XRCC4: variants seen among roughly 807,000 people sequenced by gnomAD.
The protein encoded by XRCC4 is DNA repair protein XRCC4.
XRCC4 carries 28 observed loss-of-function variants against 39.1 expected under a neutral mutation model. The observed-to-expected ratio is 0.72, with a 90% confidence interval of 0.53 to 0.98. The LOEUF (loss-of-function observed/expected upper bound fraction) is 0.98, where lower values mean the gene tolerates loss of function less well. Ranked by LOEUF, XRCC4 falls within the 50% of genes least tolerant of loss-of-function variation. XRCC4 has a pLI of 0.00. For missense variants in XRCC4, 350 were observed against 376.4 expected (o/e 0.93, Z 0.58); for synonymous variants, 123 against 126.4 (o/e 0.97, Z 0.18).
intron 7 of XRCC4, among the ~76,000 whole-genome samples, chr5:83,341,653 A>AC (rs1365796640): frequency 1.8e-4 from 27 of 151,768 alleles, no homozygotes; most frequent in African/African-American, 4.8e-4. Flanking sequence ...GTTAGTGATG[A>AC]CCCCCCCACT....
the XRCC4 span, among the ~76,000 whole-genome samples, chr5:83,360,494 G>A: frequency 6.6e-6 from 1 of 152,134 alleles, no homozygotes; most frequent in Non-Finnish European, 1.5e-5. Context: ...TGATTCTCAT[G>A]AATATTTGCT....
At chr5:83,104,758 G>T in intron 1 of XRCC4, 152 bp from the exon 2 acceptor site, 2 of 566,714 alleles carry the variant, frequency 3.5e-6, no homozygotes, top group South Asian at 2.6e-5. Flanking sequence ...GAATTTAATG[G>T]TTGAATCTAA....
At chr5:83,125,181 A>G (rs12153441) in intron 3 of XRCC4, among the ~76,000 whole-genome samples, 74,488 of 151,738 alleles carry the variant, frequency 0.49, 19,191 homozygotes, top group African/African-American at 0.63. Context: ...TTGTATTTTT[A>G]TTTTTGTTGT....
chr5:83,327,549 G>A (rs1453309057), intron 7 of XRCC4, among the ~76,000 whole-genome samples: 2 of 151,856 alleles, frequency 1.3e-5, no homozygotes, highest in East Asian at 3.9e-4. Flanking sequence ...ATGTTAATTA[G>A]CTTGATTGTT....
chr5:83,344,693 G>A (rs1269848687), intron 7 of XRCC4, among the ~76,000 whole-genome samples: 1 of 152,034 alleles, frequency 6.6e-6, no homozygotes, highest in Non-Finnish European at 1.5e-5. Flanking sequence ...GCTTTTCACT[G>A]TTGCAAACAA....
intron 7 of XRCC4, among the ~76,000 whole-genome samples, chr5:83,313,151 A>G (rs1039228888): frequency 6.6e-6 from 1 of 151,482 alleles, no homozygotes; most frequent in Non-Finnish European, 1.5e-5. Flanking sequence ...GTATAGAAAA[A>G]CCATAAATTG....
At chr5:83,342,646 T>C (rs1756797537) in intron 7 of XRCC4, among the ~76,000 whole-genome samples, 1 of 152,214 alleles carries the variant, frequency 6.6e-6, no homozygotes, top group African/African-American at 2.4e-5. Flanking sequence ...CGAAATGACG[T>C]GTAGGCCTAG....
chr5:83,203,810 A>AT, intron 5 of XRCC4, 103 bp downstream of exon 5: 1 of 1,385,172 alleles, frequency 7.2e-7, no homozygotes, highest in Non-Finnish European at 9.9e-7. Flanking sequence ...ATCATATGAG[A>AT]TAATTTGGTA....
chr5:83,214,157 G>T (rs1751757350), intron 6 of XRCC4, among the ~76,000 whole-genome samples: 1 of 152,156 alleles, frequency 6.6e-6, no homozygotes. Context: ...AAACAAGGTT[G>T]TCTGCTCCCA....
At chr5:83,099,055 A>G (rs968429733) in intron 1 of XRCC4, among the ~76,000 whole-genome samples, 6 of 152,208 alleles carry the variant, frequency 3.9e-5, no homozygotes, top group African/African-American at 1.4e-4. Context: ...TTCTCTTTTA[A>G]GAATAAAAAT....
the XRCC4 span, among the ~76,000 whole-genome samples, chr5:83,366,292 T>C: frequency 1.3e-5 from 2 of 152,182 alleles, no homozygotes; most frequent in African/African-American, 2.4e-5. Flanking sequence ...ATTCAGTTCA[T>C]TGTAGATCCC....
intron 3 of XRCC4, among the ~76,000 whole-genome samples, chr5:83,181,326 G>A (rs148768754): frequency 5.5e-4 from 83 of 151,898 alleles, no homozygotes; most frequent in African/African-American, 1.8e-3. Context: ...GGTATATAGT[G>A]AACATTTCCT....
At chr5:83,115,253 C>T (rs369393606) in intron 3 of XRCC4, among the ~76,000 whole-genome samples, 1 of 152,110 alleles carries the variant, frequency 6.6e-6, no homozygotes, top group African/African-American at 2.4e-5. Flanking sequence ...CATGGAGAAA[C>T]CCCGTCTCTA....
intron 7 of XRCC4, among the ~76,000 whole-genome samples, chr5:83,307,854 A>G (rs887214282): frequency 6.6e-6 from 1 of 152,240 alleles, no homozygotes. Context: ...TTGGCTTTCT[A>G]GAACCATATG....
intron 1 of XRCC4, among the ~76,000 whole-genome samples, chr5:83,090,896 ATTATG>A (rs1316835927): frequency 2.0e-5 from 3 of 152,232 alleles, no homozygotes; most frequent in Non-Finnish European, 2.9e-5. Flanking sequence ...TATATTATAT[ATTATG>A]TTATGGTTGT....
chr5:83,167,032 C>T (rs1229082348), intron 3 of XRCC4, among the ~76,000 whole-genome samples: 2 of 151,842 alleles, frequency 1.3e-5, no homozygotes, highest in African/African-American at 4.8e-5. Context: ...CAGGCACACA[C>T]CACCATGCCT....
chr5:83,177,773 T>C (rs1750025534), intron 3 of XRCC4, among the ~76,000 whole-genome samples: 1 of 152,122 alleles, frequency 6.6e-6, no homozygotes. Context: ...AATGGGTAGT[T>C]GTGAGAGATA....
chr5:83,363,844 C>T, the XRCC4 span, among the ~76,000 whole-genome samples: 3 of 152,208 alleles, frequency 2.0e-5, no homozygotes, highest in Non-Finnish European at 4.4e-5. Flanking sequence ...CAGAATGCTG[C>T]TCCTGTATAC....
At chr5:83,190,048 A>C (rs1213517247) in intron 3 of XRCC4, among the ~76,000 whole-genome samples, 1 of 152,152 alleles carries the variant, frequency 6.6e-6, no homozygotes, top group Non-Finnish European at 1.5e-5. Context: ...TGCGTGACAG[A>C]GCGAGAATCT....
Sources: allele counts gnomAD v4.1 joint callset (sites outside exome capture counted in the v4.1 genomes callset), GRCh38; gene constraint gnomAD v4.1.1; transcripts MANE v1.5; gene names NCBI Gene and HGNC (gene_info 2026-07-23, HGNC 2026-07-21).